SUSD1: variants seen among roughly 807,000 people sequenced by gnomAD.
SUSD1 encodes sushi domain-containing protein 1.
In SUSD1, 65 loss-of-function variants were observed where a neutral mutation model predicts 86.9. The ratio of observed to expected loss-of-function variants is 0.75; its 90% confidence interval spans 0.61 to 0.92. SUSD1 has a LOEUF of 0.92. Ranked by LOEUF, SUSD1 falls within the 40% of genes least tolerant of loss-of-function variation. The pLI, the probability that SUSD1 is intolerant of heterozygous loss-of-function variation, is 0.00. For missense variants in SUSD1, 850 were observed against 929.7 expected, an observed-to-expected ratio of 0.91 and a Z score of 1.11; for synonymous variants, 346 against 350.0, an observed-to-expected ratio of 0.99 and a Z score of 0.13.
Position 112,053,511 on chromosome 9 carries a change from C to CT in SUSD1, c.2110-1074dup. Among the ~76,000 whole-genome samples, 4 of 38,720 alleles carry CT rather than the reference C, an allele frequency of 1.0e-4. No homozygotes were observed. In the South Asian group the frequency reaches 3.6e-3, roughly 35 times the overall value. The allele number at this position is 38,720 out of a possible 152,430, so 25.4% of individuals were successfully genotyped here. A position where few individuals can be genotyped will look rare whatever the true frequency, so the allele number is the denominator to read the frequency against. On this transcript the variant is annotated intron_variant, in intron 14 of 16. Transcript: ENST00000374270. ...CCTGGGCAACAGAATGAGACTTCGTCTCAAAAAAAAAAAAAAAAAAAAAAA... is the reference window on the plus strand; with the variant it reads ...CCTGGGCAACAGAATGAGACTTCGTCTTCAAAAAAAAAAAAAAAAAAAAAAA...
intron 12 of SUSD1, among the ~76,000 whole-genome samples, chr9:112,065,285 G>T (rs1157382880): frequency 6.6e-6 from 1 of 152,214 alleles, no homozygotes; most frequent in Non-Finnish European, 1.5e-5. Flanking sequence ...CACTTTGGGA[G>T]GCAGAGGTGG....
intron 5 of SUSD1, among the ~76,000 whole-genome samples, chr9:112,136,967 C>G (rs1832293591): frequency 6.6e-6 from 1 of 152,124 alleles, no homozygotes; most frequent in Non-Finnish European, 1.5e-5. Context: ...GGCCCTCCAG[C>G]TTTTTCATCA....
chr9:112,087,139 T>C (rs1015982313), intron 10 of SUSD1, among the ~76,000 whole-genome samples: 5 of 152,222 alleles, frequency 3.3e-5, no homozygotes, highest in African/African-American at 1.2e-4. Context: ...TTTGGGGATA[T>C]GAAGAAAACT....
chr9:112,081,630 C>T (rs1829771237), intron 10 of SUSD1, among the ~76,000 whole-genome samples: 1 of 152,186 alleles, frequency 6.6e-6, no homozygotes, highest in African/African-American at 2.4e-5. Flanking sequence ...GTCCCCAAAT[C>T]ATTTAATATG....
intron 14 of SUSD1, among the ~76,000 whole-genome samples, chr9:112,056,660 AAG>A (rs1475779479): frequency 1.3e-5 from 2 of 152,094 alleles, no homozygotes; most frequent in Non-Finnish European, 2.9e-5. Context: ...AGCTACATGA[AAG>A]AGAGTATCAA....
chr9:112,098,641 A>T lies in SUSD1; in HGVS notation c.1303T>A (p.Trp435Arg). ...MYQFTVLGQR[W>R]YLANFSHATS... ...GCATGAGAAAAGTTAGCCAGATACCACCTCTGACCCAGAACGGTAAACTGT... is the reference window on the plus strand; with the variant it reads ...GCATGAGAAAAGTTAGCCAGATACCTCCTCTGACCCAGAACGGTAAACTGT... The change falls in exon 10 of 17, where the codon TGG (tryptophan) becomes AGG (arginine). Residue 435 changes from tryptophan (W) to arginine (R), a missense_variant. Coordinates refer to ENST00000374270, the MANE Select transcript of SUSD1 (RefSeq NM_022486.5). The T allele has an allele frequency of 1.2e-6, 2 of 1,614,130 alleles. No individual in the cohort carries two copies. Among genetic ancestry groups the T allele is most frequent in the Non-Finnish European group, 1.7e-6 (2 of 1,179,998 alleles).
At chr9:112,123,163 G>A (rs944589265) in intron 6 of SUSD1, among the ~76,000 whole-genome samples, 3 of 152,150 alleles carry the variant, frequency 2.0e-5, no homozygotes, top group African/African-American at 4.8e-5. Context: ...AAAGAAAAGA[G>A]GTTTATCCAG....
At chr9:112,149,064 C>T (rs1832930222) in intron 3 of SUSD1, among the ~76,000 whole-genome samples, 180 bp downstream of exon 3, 1 of 152,118 alleles carries the variant, frequency 6.6e-6, no homozygotes, top group Non-Finnish European at 1.5e-5. Context: ...GATACATCAT[C>T]ATAACACCCC....
chr9:112,087,259 C>T (rs1830023364), intron 10 of SUSD1, among the ~76,000 whole-genome samples: 1 of 152,294 alleles, frequency 6.6e-6, no homozygotes, highest in Non-Finnish European at 1.5e-5. Context: ...GCAGCCTCTG[C>T]TCACTGAACC....
At chr9:112,155,873 AAGAAGG>A (rs1445396401) in intron 2 of SUSD1, among the ~76,000 whole-genome samples, 1 of 149,804 alleles carries the variant, frequency 6.7e-6, no homozygotes, top group African/African-American at 2.4e-5. Flanking sequence ...GAGGAAGAGG[AAGAAGG>A]AGAAGGAGAG....
intron 5 of SUSD1, among the ~76,000 whole-genome samples, chr9:112,139,849 T>C (rs1045541534): frequency 2.0e-5 from 3 of 152,040 alleles, no homozygotes; most frequent in African/African-American, 7.2e-5. Context: ...AGCCAAAAAC[T>C]AGAAAAATGG....
chr9:112,041,621 G>A, intron 16 of SUSD1, 129 bp from the exon 17 acceptor site: 1 of 727,514 alleles, frequency 1.4e-6, no homozygotes, highest in South Asian at 1.5e-5. Context: ...TGGAAGCTCA[G>A]CCACCCCTCT....
chr9:112,165,993 G>GAAAGAAAGAA (rs1342453688), intron 1 of SUSD1, among the ~76,000 whole-genome samples: 2 of 151,266 alleles, frequency 1.3e-5, no homozygotes, highest in East Asian at 3.9e-4. Context: ...AAGAAAGAAA[G>GAAAGAAAGAA]AAAATAATTT....
intron 12 of SUSD1, among the ~76,000 whole-genome samples, chr9:112,068,818 G>A (rs1256875862): frequency 1.3e-5 from 2 of 152,150 alleles, no homozygotes; most frequent in Non-Finnish European, 2.9e-5. Flanking sequence ...AATCCAGGTC[G>A]GAAGTGCTCG....
intron 14 of SUSD1, among the ~76,000 whole-genome samples, chr9:112,053,513 C>CAAAAAAAAAAAAAA (rs56987871): frequency 5.2e-5 from 4 of 77,646 alleles, no homozygotes; most frequent in African/African-American, 2.4e-4. Flanking sequence ...GACTTCGTCT[C>CAAAAAAAAAAAAAA]AAAAAAAAAA....
At chr9:112,085,501 C>T (rs1236028205) in intron 10 of SUSD1, among the ~76,000 whole-genome samples, 1 of 152,162 alleles carries the variant, frequency 6.6e-6, no homozygotes, top group Non-Finnish European at 1.5e-5. Context: ...TCCGAAGTTA[C>T]AGAGATAGTA....
At chr9:112,083,595 T>C (rs192630355) in intron 10 of SUSD1, among the ~76,000 whole-genome samples, 1 of 152,298 alleles carries the variant, frequency 6.6e-6, no homozygotes, top group East Asian at 1.9e-4. Context: ...CAGACCAACA[T>C]AGATATTAAA....
At chr9:112,129,351 C>T (rs759402192) in intron 5 of SUSD1, among the ~76,000 whole-genome samples, 4 of 152,096 alleles carry the variant, frequency 2.6e-5, no homozygotes, top group East Asian at 1.9e-4. Context: ...TTACTCCTGT[C>T]GCCAAGGCTG....
chr9:112,111,152 C>T (rs1410101680), intron 8 of SUSD1, among the ~76,000 whole-genome samples: 2 of 152,268 alleles, frequency 1.3e-5, no homozygotes, highest in African/African-American at 4.8e-5. Flanking sequence ...GCCACCACAC[C>T]CAGCTAAGTT....
Sources: gnomAD v4.1 joint callset for allele counts (sites outside exome capture counted in the v4.1 genomes callset) on GRCh38, gnomAD v4.1.1 for gene constraint, MANE v1.5 for transcripts, NCBI Gene and HGNC (gene_info 2026-07-23, HGNC 2026-07-21) for gene names.